ZFYVE26: variants seen among roughly 807,000 people sequenced by gnomAD.
The protein encoded by ZFYVE26 is zinc finger FYVE domain-containing protein 26.
In ZFYVE26, 181 loss-of-function variants were observed where a neutral mutation model predicts 276.5. That is an observed-to-expected ratio of 0.65 (90% CI 0.58 to 0.74). The LOEUF is 0.74. ZFYVE26 is among the 30% of genes least tolerant of loss of function. ZFYVE26 has a pLI of 0.00. For missense variants in ZFYVE26, 2,821 were observed against 3,097.9 expected (o/e 0.91, Z 2.12); for synonymous variants, 1,129 against 1,203.1 (o/e 0.94, Z 1.27).
intron 41 of ZFYVE26, 70 bp from the exon 42 acceptor site, chr14:67,748,709 C>G: frequency 6.4e-7 from 1 of 1,553,440 alleles, no homozygotes; most frequent in Non-Finnish European, 8.8e-7. Context: ...AGAGCTGCAG[C>G]AGAAAGCTCG....
At chr14:67,805,379 C>G in intron 7 of ZFYVE26, 74 bp from the exon 8 acceptor site, 5 of 1,613,552 alleles carry the variant, frequency 3.1e-6, no homozygotes, top group Non-Finnish European at 2.5e-6. Flanking sequence ...GATTTTAGGG[C>G]TCTGCATTCA....
At chr14:67,739,552 T>A (rs569215938) in intron 13 of ZFYVE26, among the ~76,000 whole-genome samples, 39 of 152,116 alleles carry the variant, frequency 2.6e-4, no homozygotes, top group Non-Finnish European at 5.3e-4. Flanking sequence ...TTACTGCTAG[T>A]CCAAGGCAGA....
chr14:67,729,965 C>T (rs1047211666), intron 13 of ZFYVE26: 6 of 376,012 alleles, frequency 1.6e-5, no homozygotes, highest in South Asian at 8.1e-5. Context: ...TCTGTTGTCC[C>T]GCTTTGTTCA....
rs566669485 is a variant in ZFYVE26 at position 67,755,162 on chromosome 14, A to G, written c.6875T>C (p.Leu2292Pro). The change falls in exon 37 of 42, where the codon CTA (leucine) becomes CCA (proline). Residue 2292 changes from leucine to proline, a missense_variant. Physicochemically the swap from Leu to Pro is moderately conservative, Grantham distance 98. Transcript: ENST00000347230. ...YTELGEKLSW[L>P]LKAKDHLKIY... The stretch of plus-strand genomic sequence containing the variant: ...CTTCAGGTGGTCCTTGGCCTTAAGT[A>G]GCCATGAGAGCTTCTCTCCCAGTTC... The G allele has an allele frequency of 1.3e-5, 21 of 1,614,218 alleles. No homozygotes were observed. The South Asian group carries it at 2.3e-4, about 18-fold the overall frequency.
Position 67,748,654 on chromosome 14 carries a change from TAAGA to T in ZFYVE26, c.7417-19_7417-16del. On this transcript the variant is annotated splice_polypyrimidine_tract_variant and intron_variant, in intron 41 of 41. Coordinates refer to ENST00000347230, the MANE Select transcript of ZFYVE26 (RefSeq NM_015346.4). ...TAGGCCCGAACCTGGCAGTCAGTTA[TAAGA>T]GACAGCGGAAAGGCATCCATCACCG... is the stretch of plus-strand genomic sequence containing the variant. 1 of 1,613,484 alleles carries T rather than the reference TAAGA, an allele frequency of 6.2e-7. No homozygotes were observed. The highest frequency in any genetic ancestry group is 8.5e-7 in the Non-Finnish European group (1 of 1,179,970).
rs1333069870 is a variant in ZFYVE26 at position 67,775,951 on chromosome 14, A to G, written c.5130T>C (p.Ile1710=). ...TLQQLLVGQE[I]GFTMDEVDSL... ...AGTCCACCTCGTCCATAGTGAAGCC[A>G]ATCTCCTGTCCAACCAGCAGCTGCT... The change falls in exon 26 of 42, where the codon ATT becomes ATC. Residue 1710 remains isoleucine (I), a synonymous_variant. Transcript: ENST00000347230. 2.5e-5 allele frequency: 41 copies of G among 1,614,228 alleles called. No homozygotes were observed. The highest frequency in any genetic ancestry group is 3.4e-5 in the Non-Finnish European group (40 of 1,180,032).
intron 35 of ZFYVE26, 157 bp downstream of exon 35, chr14:67,761,209 T>C: frequency 1.3e-6 from 1 of 743,036 alleles, no homozygotes; most frequent in Non-Finnish European, 2.4e-6. Flanking sequence ...ATAACAGTTG[T>C]GCAGAGTCCC....
chr14:67,794,140 C>A, intron 13 of ZFYVE26, 31 bp downstream of exon 13: 1 of 1,610,670 alleles, frequency 6.2e-7, no homozygotes. Flanking sequence ...CAAAGCTGCT[C>A]AAAGTTGGCA....
chr14:67,761,084 A>G (rs935463229), intron 35 of ZFYVE26: 11 of 621,868 alleles, frequency 1.8e-5, no homozygotes, highest in Middle Eastern at 4.3e-4. Context: ...TTCCAGAGAC[A>G]TGCTCTTAAC....
At chr14:67,758,005 C>T (rs6573798) in intron 35 of ZFYVE26, among the ~76,000 whole-genome samples, 149,328 of 152,346 alleles carry the variant, frequency 0.98, 73,233 homozygotes, top group East Asian at 1. Flanking sequence ...ACGAGCCACC[C>T]TGCCCAGCCT....
chr14:67,806,215 A>G lies in ZFYVE26; in HGVS notation c.1017+330T>C, dbSNP rs2040177467. ...GAAGCCCAGTTGCAATCTGGAAGGA[A>G]AAGGTTAAAGTAATTAAATTCTCCT... On this transcript the variant is annotated intron_variant, in intron 6 of 41. Transcript: ENST00000347230. 3.3e-5 allele frequency among the ~76,000 whole-genome samples: 5 copies of G among 152,350 alleles called. No individual in the cohort carries two copies. In the South Asian group the frequency reaches 1.0e-3, roughly 32 times the overall value.
In ZFYVE26 at chr14:67,802,236, G is replaced by T. The variant is rs559473389; in HGVS notation, c.1482C>A (p.Asn494Lys). 51 of 1,614,194 alleles carry T rather than the reference G, an allele frequency of 3.2e-5. No homozygotes were observed. In the Admixed American group the frequency reaches 7.5e-4, roughly 24 times the overall value. The change falls in exon 10 of 42, where the codon AAC becomes AAA. Residue 494 changes from asparagine (N) to lysine (K), a missense_variant. Physicochemically the swap from Asn to Lys is moderately conservative, Grantham distance 94 (BLOSUM62 0). Transcript: ENST00000347230. ...PVPEHLSQCQ[N>K]LTLYQGFCAM... ...CACAGAAGCCCTGGTAGAGTGTCAG[G>T]TTCTGACACTGGCTCAGGTGCTCAG...
rs1487732267 is a variant in ZFYVE26 at position 67,748,182 on chromosome 14, A to C, written c.*254T>G. The C allele has an allele frequency of 1.2e-5, 7 of 561,774 alleles. No individual in the cohort carries two copies. The highest frequency in any genetic ancestry group is 1.9e-5 in the Non-Finnish European group (6 of 311,964). The allele number at this position is 561,774 out of a possible 1,614,324, so 34.8% of individuals were successfully genotyped here. On this transcript the variant is annotated 3_prime_UTR_variant, in exon 42 of 42. Coordinates refer to ENST00000347230, the MANE Select transcript of ZFYVE26 (RefSeq NM_015346.4). ...CACGTGTGTGCACACATACTCACTC[A>C]CTCACTCTGAGGTAGAAAGAACTGG...
At chr14:67,762,952 G>A in intron 32 of ZFYVE26, 133 bp from the exon 33 acceptor site, 1 of 1,286,146 alleles carries the variant, frequency 7.8e-7, no homozygotes, top group South Asian at 1.3e-5. Flanking sequence ...ACCCAGGCTG[G>A]AGTGCAGTGG....
rs979216812 is a variant in ZFYVE26 at position 67,805,278 on chromosome 14, C to T, written c.1210G>A (p.Asp404Asn). ...TGAGCCCACAACCCATCACAGGCAT[C>T]CCTGAGGAGCTCATCACAGCCTGGG... ...QGPGCDELLR[D>N]ACDGLWAHLE... is the part of the protein sequence containing the mutation. Residue 404 changes from aspartate to asparagine, a missense_variant, in exon 8 of 42, where the codon GAT (aspartate) becomes AAT (asparagine). Asp to Asn is a conservative substitution (Grantham distance 23). Transcript: ENST00000347230. The T allele has an allele frequency of 6.2e-7, 1 of 1,614,158 alleles. No homozygotes were observed. Among genetic ancestry groups the T allele is most frequent in the Non-Finnish European group, 8.5e-7 (1 of 1,180,014 alleles).
chr14:67,806,321 T>C (rs1463367178), intron 6 of ZFYVE26, among the ~76,000 whole-genome samples: 2 of 152,258 alleles, frequency 1.3e-5, no homozygotes, highest in Non-Finnish European at 2.9e-5. Context: ...AACATTTTAG[T>C]TTCTGCCAAA....
In ZFYVE26 at chr14:67,798,205, C is replaced by T; in HGVS notation, c.2057G>A (p.Gly686Glu). ...CTCTTGGAGAAGCCTGAGGAAGGCC[C>T]CTATTGCAAATTCATCAGCCAGAAA... ...SGFLADEFAI[G>E]AFLRLLQEQL... is the part of the protein sequence containing the mutation. Residue 686 changes from glycine to glutamate, a missense_variant, in exon 11 of 42, where the codon GGG (glycine) becomes GAG (glutamate). Physicochemically the swap from Gly to Glu is moderately conservative, Grantham distance 98. Transcript: ENST00000347230. 1 of 1,614,148 alleles carries T rather than the reference C, an allele frequency of 6.2e-7. No individual in the cohort carries two copies. Among genetic ancestry groups the T allele is most frequent in the Admixed American group, 1.7e-5 (1 of 60,006 alleles).
At position 67,807,830 on chromosome 14, in the gene ZFYVE26, C is replaced by A; in HGVS notation, c.454G>T (p.Glu152Ter). 4 of 1,614,006 alleles carry A rather than the reference C, an allele frequency of 2.5e-6. No homozygotes were observed. The highest frequency in any genetic ancestry group is 3.4e-6 in the Non-Finnish European group (4 of 1,179,946). ...AGATCCCAGAGCACAGAGACAGCTT[C>A]GGAGCTGAGACGAGGAGTCCAGCTC... ...RESWTPRLSSEAVSVLWDLLR... is the reference protein window; with the variant it reads ...RESWTPRLSS Residue 152 changes from glutamate (E) to a stop codon, truncating the protein, a stop_gained, in exon 5 of 42, where the codon GAA (glutamate) becomes TAA (stop). Transcript: ENST00000347230. LOFTEE classifies it high-confidence loss of function.
intron 21 of ZFYVE26, 133 bp downstream of exon 21, chr14:67,782,647 G>T: frequency 6.9e-7 from 1 of 1,442,528 alleles, no homozygotes; most frequent in Non-Finnish European, 9.6e-7. Context: ...CTGAGACCTG[G>T]TCTCCTCTTA....
Sources: gnomAD v4.1 joint callset for allele counts (sites outside exome capture counted in the v4.1 genomes callset) on GRCh38, gnomAD v4.1.1 for gene constraint, MANE v1.5 for transcripts, NCBI Gene and HGNC (gene_info 2026-07-23, HGNC 2026-07-21) for gene names.